The following KCNC2 variants were observed in gnomAD, a reference collection of about 807,000 sequenced individuals.
KCNC2 encodes potassium voltage-gated channel subfamily C member 2.
A neutral mutation model predicts 44.5 loss-of-function variants in KCNC2; 21 were observed. That is an observed-to-expected ratio of 0.47 (90% confidence interval 0.33 to 0.68). The LOEUF (loss-of-function observed/expected upper bound fraction) is 0.68, where lower values mean the gene tolerates loss of function less well. Among genes scored for constraint, KCNC2 ranks in the 30% least tolerant of loss-of-function variants. KCNC2 has a pLI of 0.01. For synonymous variants in KCNC2, 391 were observed against 339.1 expected, an observed-to-expected ratio of 1.15 and a Z score of -1.68; for missense variants, 589 against 826.2, an observed-to-expected ratio of 0.71 and a Z score of 3.52.
intron 2 of KCNC2, among the ~76,000 whole-genome samples, chr12:75,109,530 T>G (rs1382506727): frequency 6.6e-6 from 1 of 152,172 alleles, no homozygotes; most frequent in Non-Finnish European, 1.5e-5. Flanking sequence ...TCTTTGATGC[T>G]AAACAAATAT....
chr12:75,089,291 T>C (rs570630417), intron 2 of KCNC2, among the ~76,000 whole-genome samples: 16 of 151,948 alleles, frequency 1.1e-4, no homozygotes, highest in Middle Eastern at 3.4e-3. Context: ...TGCAGTCAAT[T>C]AATACATAAA....
At chr12:75,141,748 G>T (rs1889668986) in intron 2 of KCNC2, among the ~76,000 whole-genome samples, 1 of 152,126 alleles carries the variant, frequency 6.6e-6, no homozygotes, top group Non-Finnish European at 1.5e-5. Context: ...CTGAGACTGG[G>T]TTGAGAGAAG....
In KCNC2 at chr12:75,207,695, C is replaced by G; in HGVS notation, c.289G>C (p.Gly97Arg). ...SRGGRASDHP[G>R]GGREFFFDRH... ...TCGAAGAAGAACTCGCGGCCGCCACCGGGATGGTCGCTGGCCCTGCCGCCG... is the reference window on the plus strand; with the variant it reads ...TCGAAGAAGAACTCGCGGCCGCCACGGGGATGGTCGCTGGCCCTGCCGCCG... The change falls in exon 2 of 5, where the codon GGT becomes CGT. Residue 97 changes from glycine to arginine, a missense_variant. Coordinates refer to ENST00000549446, the MANE Select transcript of KCNC2 (RefSeq NM_139137.4). This position sits in a 1 kb window ranked among gnomAD's most constrained non-coding sequence, Gnocchi z 4.1. 6.3e-7 allele frequency: 1 copy of G among 1,594,846 alleles called. No individual in the cohort carries two copies. The highest frequency in any genetic ancestry group is 8.5e-7 in the Non-Finnish European group (1 of 1,171,558).
intron 2 of KCNC2, among the ~76,000 whole-genome samples, chr12:75,183,211 T>C (rs1029233864): frequency 6.6e-6 from 1 of 152,200 alleles, no homozygotes; most frequent in Non-Finnish European, 1.5e-5. Flanking sequence ...CCTGGCATTG[T>C]AGCAAAGTAA....
At chr12:75,140,181 T>C (rs1220398784) in intron 2 of KCNC2, 1 of 152,218 alleles carries the variant, frequency 6.6e-6, no homozygotes, top group Non-Finnish European at 1.5e-5. Context: ...GGCACTTCTG[T>C]TCTTCACATA....
In KCNC2 at chr12:75,078,848, A is replaced by G. The variant is rs148537692; in HGVS notation, c.688-27531T>C. Among the ~76,000 whole-genome samples, 383 of 152,288 alleles carry G rather than the reference A, an allele frequency of 2.5e-3. 1 individual carries two copies. Among genetic ancestry groups the G allele is most frequent in the Admixed American group, 4.6e-3 (71 of 15,288 alleles). On this transcript the variant is annotated intron_variant, in intron 2 of 4. Coordinates refer to ENST00000549446, the MANE Select transcript of KCNC2 (RefSeq NM_139137.4). ...TTAAAGTTTCAGTGTTTTGTCACTT[A>G]AGATGTTCTTTGAAGACATCAAATT...
chr12:75,146,456 T>C (rs1437993912), intron 2 of KCNC2, among the ~76,000 whole-genome samples: 1 of 152,212 alleles, frequency 6.6e-6, no homozygotes, highest in Non-Finnish European at 1.5e-5. Context: ...TTGAGATGTA[T>C]ACATGTTATT....
intron 2 of KCNC2, among the ~76,000 whole-genome samples, chr12:75,086,359 T>C (rs1884993211): frequency 6.6e-6 from 1 of 152,104 alleles, no homozygotes; most frequent in Non-Finnish European, 1.5e-5. Context: ...TGTGCAGTTT[T>C]GGCTAAGGTG....
chr12:75,151,170 C>G (rs1890367397), intron 2 of KCNC2, among the ~76,000 whole-genome samples: 1 of 151,898 alleles, frequency 6.6e-6, no homozygotes, highest in South Asian at 2.1e-4. Flanking sequence ...AAACCTTGCA[C>G]AGAAAATTAA....
At chr12:75,161,114 C>G (rs1891095278) in intron 2 of KCNC2, among the ~76,000 whole-genome samples, 1 of 151,544 alleles carries the variant, frequency 6.6e-6, no homozygotes, top group Admixed American at 6.6e-5. Context: ...TAAATTAGGT[C>G]TCATGTTGCA....
At position 75,041,608 on chromosome 12, in the gene KCNC2, T is replaced by C; in HGVS notation, c.*1497A>G. On this transcript the variant is annotated 3_prime_UTR_variant, in exon 5 of 5. Coordinates refer to ENST00000549446, the MANE Select transcript of KCNC2 (RefSeq NM_139137.4). Reference sequence around the variant, plus strand: ...GCTATTGCTGTTGAATTCATAGGAATGCATAAATAGACTTTCTTCCACTCA... The same window carrying C: ...GCTATTGCTGTTGAATTCATAGGAACGCATAAATAGACTTTCTTCCACTCA... 1 of 1,031,222 alleles carries C rather than the reference T, an allele frequency of 9.7e-7. No homozygotes were observed. Among genetic ancestry groups the C allele is most frequent in the Non-Finnish European group, 1.2e-6 (1 of 856,228 alleles). The allele number at this position is 1,031,222 out of a possible 1,614,324, so 63.9% of individuals were successfully genotyped here.
chr12:75,180,013 A>G (rs1469594399), intron 2 of KCNC2, among the ~76,000 whole-genome samples: 2 of 151,876 alleles, frequency 1.3e-5, no homozygotes, highest in African/African-American at 4.8e-5. Flanking sequence ...ACATAAAGCC[A>G]TAAGTTAACA....
intron 2 of KCNC2, among the ~76,000 whole-genome samples, chr12:75,143,407 A>G (rs940441560): frequency 2.6e-5 from 4 of 152,180 alleles, no homozygotes; most frequent in Admixed American, 1.3e-4. Flanking sequence ...TTCTCAGAGG[A>G]CAACCTGCCT....
At chr12:75,197,207 T>A (rs770334366) in intron 2 of KCNC2, among the ~76,000 whole-genome samples, 3 of 152,124 alleles carry the variant, frequency 2.0e-5, no homozygotes, top group Non-Finnish European at 4.4e-5. Flanking sequence ...ACTGAGAGTC[T>A]TACATCTAAG....
intron 2 of KCNC2, among the ~76,000 whole-genome samples, chr12:75,187,486 A>T (rs1343704262): frequency 6.6e-6 from 1 of 152,164 alleles, no homozygotes; most frequent in African/African-American, 2.4e-5. Flanking sequence ...ATTCTCACAT[A>T]TCTTCCTTCG....
chr12:75,175,069 G>C (rs1253897337), intron 2 of KCNC2, among the ~76,000 whole-genome samples: 2 of 151,852 alleles, frequency 1.3e-5, no homozygotes, highest in Admixed American at 6.6e-5. Context: ...AACAGGAGGG[G>C]ACAGCTAGGC....
chr12:75,151,111 C>T (rs749211864), intron 2 of KCNC2, among the ~76,000 whole-genome samples: 5 of 151,908 alleles, frequency 3.3e-5, no homozygotes, highest in Non-Finnish European at 7.4e-5. Context: ...CTTGCAGATA[C>T]AAGCTCACCA....
intron 2 of KCNC2, among the ~76,000 whole-genome samples, chr12:75,179,742 G>C (rs201033385): frequency 0.052 from 4,403 of 85,274 alleles, 6 homozygotes; most frequent in Admixed American, 0.074. Context: ...TATAAAACTA[G>C]TTTTATATCT....
chr12:75,057,878 T>C (rs1592773977), intron 2 of KCNC2, among the ~76,000 whole-genome samples: 2 of 151,990 alleles, frequency 1.3e-5, no homozygotes, highest in South Asian at 2.1e-4. Context: ...TTTCTTTATA[T>C]CCTTATCCAA....
Sources: allele counts gnomAD v4.1 joint callset (sites outside exome capture counted in the v4.1 genomes callset), GRCh38; gene constraint gnomAD v4.1.1; non-coding constraint Gnocchi (gnomAD v3.1); transcripts MANE v1.5; gene names NCBI Gene and HGNC (gene_info 2026-07-23, HGNC 2026-07-21).